Variants in DPH6 observed in about 807,000 individuals in gnomAD.
DPH6 encodes the protein diphthamine biosynthesis 6, also known as diphthine--ammonia ligase.
DPH6 carries 33 observed loss-of-function variants against 38.2 expected under a neutral mutation model. The ratio of observed to expected loss-of-function variants is 0.86; its 90% confidence interval spans 0.65 to 1.15. The LOEUF (loss-of-function observed/expected upper bound fraction) is 1.15. Among genes scored for constraint, DPH6 ranks in the 50% most tolerant of loss-of-function variants. The pLI is 0.00. For synonymous variants in DPH6, 108 were observed against 103.0 expected (o/e 1.05, Z -0.30); for missense variants, 325 against 320.0 (o/e 1.02, Z -0.12).
intron 5 of DPH6, among the ~76,000 whole-genome samples, chr15:35,412,572 C>T (rs773822877): frequency 6.6e-6 from 1 of 151,618 alleles, no homozygotes; most frequent in Non-Finnish European, 1.5e-5. Context: ...AAATCTGGAG[C>T]ACCAAAATGT....
intron 3 of DPH6, among the ~76,000 whole-genome samples, chr15:35,270,095 G>A (rs550185576): frequency 6.6e-6 from 1 of 152,144 alleles, no homozygotes; most frequent in Non-Finnish European, 1.5e-5. Context: ...CACCGCGCCC[G>A]GCCTTGTTAA....
chr15:35,257,256 C>T (rs1284857987), intron 3 of DPH6, among the ~76,000 whole-genome samples: 22 of 152,094 alleles, frequency 1.4e-4, no homozygotes, highest in Admixed American at 1.4e-3. Context: ...CATGTAACAT[C>T]TCTGGGAAAA....
chr15:35,534,940 C>A (rs537336174), intron 3 of DPH6, among the ~76,000 whole-genome samples: 2 of 152,316 alleles, frequency 1.3e-5, no homozygotes, highest in South Asian at 4.1e-4. Context: ...AACTACCCAA[C>A]ATTCTAGGCT....
chr15:35,363,681 C>T (rs1566881264), intron 3 of DPH6, among the ~76,000 whole-genome samples: 2 of 151,918 alleles, frequency 1.3e-5, no homozygotes, highest in African/African-American at 4.8e-5. Context: ...GCTAGTTGCT[C>T]TATGTTTATT....
chr15:35,216,836 C>T (rs1395688665), downstream of DPH6, among the ~76,000 whole-genome samples: 8 of 152,186 alleles, frequency 5.3e-5, no homozygotes, highest in Non-Finnish European at 1.0e-4. Context: ...GGGGCAATGG[C>T]AGTGGGTTGA....
At chr15:35,225,911 T>G (rs921990397) in intron 3 of DPH6, among the ~76,000 whole-genome samples, 4 of 152,240 alleles carry the variant, frequency 2.6e-5, no homozygotes, top group African/African-American at 9.6e-5. Flanking sequence ...CAAAAATATT[T>G]TTTATTTGTG....
At chr15:35,180,078 C>A in the DPH6 span, among the ~76,000 whole-genome samples, 1 of 152,038 alleles carries the variant, frequency 6.6e-6, no homozygotes, top group Non-Finnish European at 1.5e-5. Context: ...AAAGAATATG[C>A]ATGAAAATAT....
intron 3 of DPH6, among the ~76,000 whole-genome samples, chr15:35,335,770 T>C (rs566769277): frequency 1.3e-5 from 2 of 152,346 alleles, no homozygotes; most frequent in South Asian, 4.1e-4. Flanking sequence ...AGTCCCATGA[T>C]GTTTTGGTTA....
chr15:35,346,541 G>C (rs930964385), intron 3 of DPH6, among the ~76,000 whole-genome samples: 8 of 152,104 alleles, frequency 5.3e-5, no homozygotes, highest in Non-Finnish European at 1.2e-4. Flanking sequence ...TATTGCCAGA[G>C]ATTGAGGAAG....
At position 35,255,213 on chromosome 15, in the gene DPH6, T is replaced by C. The variant is rs762335496; in HGVS notation, n.201-34631A>G. ...TCAGGTGACAGCCGAAGAACCATTA[T>C]GACGACATATTTAGCAAATAATCAT... On this transcript the variant is annotated intron_variant and non_coding_transcript_variant, in intron 3 of 3. Coordinates refer to the DPH6 transcript ENST00000560386. 1.2e-3 allele frequency among the ~76,000 whole-genome samples: 179 copies of C among 152,228 alleles called. 1 individual carries two copies. Among genetic ancestry groups the C allele is most frequent in the Non-Finnish European group, 2.8e-4 (19 of 68,048 alleles).
chr15:35,337,981 T>C (rs1158877535), intron 3 of DPH6, among the ~76,000 whole-genome samples: 1 of 151,248 alleles, frequency 6.6e-6, no homozygotes, highest in African/African-American at 2.4e-5. Context: ...CTAGCCATTG[T>C]AGAAAGCTGA....
At chr15:35,542,338 T>C in intron 2 of DPH6, 75 bp downstream of exon 2, 1 of 1,228,666 alleles carries the variant, frequency 8.1e-7, no homozygotes, top group Non-Finnish European at 1.2e-6. Flanking sequence ...CTTTGTACGG[T>C]ATACCTGTAC....
chr15:35,314,731 T>C (rs2052173456), intron 3 of DPH6, among the ~76,000 whole-genome samples: 1 of 152,192 alleles, frequency 6.6e-6, no homozygotes, highest in African/African-American at 2.4e-5. Context: ...GTGAAAAAGC[T>C]AGATAAGTGG....
chr15:35,345,361 T>A (rs1177746728), intron 3 of DPH6, among the ~76,000 whole-genome samples: 1 of 151,918 alleles, frequency 6.6e-6, no homozygotes, highest in African/African-American at 2.4e-5. Flanking sequence ...CATTTATTTA[T>A]TTTTCTTGCC....
intron 3 of DPH6, among the ~76,000 whole-genome samples, chr15:35,473,234 T>C (rs2054219208): frequency 6.6e-6 from 1 of 152,166 alleles, no homozygotes; most frequent in Non-Finnish European, 1.5e-5. Context: ...CTCATTTTTA[T>C]ATAAAGCCCA....
chr15:35,268,208 T>G (rs1018137532), intron 3 of DPH6, among the ~76,000 whole-genome samples: 2 of 122,436 alleles, frequency 1.6e-5, no homozygotes, highest in African/African-American at 6.4e-5. Flanking sequence ...AATAAATAAA[T>G]AAATAAATAA....
At chr15:35,430,309 A>G (rs1223315510) in intron 5 of DPH6, among the ~76,000 whole-genome samples, 1 of 151,702 alleles carries the variant, frequency 6.6e-6, no homozygotes, top group African/African-American at 2.4e-5. Context: ...TAAAGTACCT[A>G]TGGTTATTTA....
intron 5 of DPH6, among the ~76,000 whole-genome samples, chr15:35,428,354 CT>C (rs2053594022): frequency 2.0e-5 from 3 of 151,968 alleles, no homozygotes. Flanking sequence ...TTGAAATTAT[CT>C]AATGGAGGCA....
At chr15:35,332,010 G>A (rs2052330304) in intron 3 of DPH6, among the ~76,000 whole-genome samples, 1 of 152,166 alleles carries the variant, frequency 6.6e-6, no homozygotes, top group African/African-American at 2.4e-5. Context: ...TGCAGCCATA[G>A]ATAGGACAAC....
Sources: allele counts gnomAD v4.1 joint callset (sites outside exome capture counted in the v4.1 genomes callset), GRCh38; gene constraint gnomAD v4.1.1; transcripts MANE v1.5; gene names NCBI Gene and HGNC (gene_info 2026-07-23, HGNC 2026-07-21).